The following ERO1B variants were observed in gnomAD, a reference collection of about 807,000 sequenced individuals.
ERO1B encodes the protein ERO1-like protein beta.
Under a neutral mutation model 75.3 loss-of-function variants are expected in ERO1B, and 49 were observed. That is an observed-to-expected ratio of 0.65 (90% CI 0.52 to 0.83). The LOEUF is 0.83. Among genes scored for constraint, ERO1B ranks in the 40% least tolerant of loss-of-function variants. The pLI is 0.00. For synonymous variants in ERO1B, 191 were observed against 192.9 expected (o/e 0.99, Z 0.08); for missense variants, 512 against 560.1 (o/e 0.91, Z 0.87).
At chr1:236,224,982 C>G (rs1244623528) in intron 13 of ERO1B, 88 bp downstream of exon 13, 1 of 1,226,364 alleles carries the variant, frequency 8.2e-7, no homozygotes, top group African/African-American at 1.5e-5. Context: ...AGCTGGAAAA[C>G]TGGGAAAGAA....
chr1:236,273,153 G>T (rs1472999429), intron 1 of ERO1B, among the ~76,000 whole-genome samples: 2 of 152,156 alleles, frequency 1.3e-5, no homozygotes, highest in Non-Finnish European at 2.9e-5. Context: ...TTATGAGAGA[G>T]GAAGGCGGGA....
chr1:236,253,761 G>C (rs988163139), intron 2 of ERO1B, among the ~76,000 whole-genome samples: 4 of 152,148 alleles, frequency 2.6e-5, no homozygotes, highest in African/African-American at 9.7e-5. Context: ...TTATTAATGA[G>C]AATTCTCTCA....
chr1:236,217,373 A>G lies in ERO1B; in HGVS notation c.*1143T>C, dbSNP rs756317128. On this transcript the variant is annotated 3_prime_UTR_variant, in exon 16 of 16. Transcript: ENST00000354619. ...TTAGGACTGTTGGTATGAATCACAG[A>G]AAGTCCTCTGTTGGTATGAATCACA... is the stretch of plus-strand genomic sequence containing the variant. 4.5e-5 allele frequency: 2 copies of G among 44,462 alleles called. No homozygotes were observed. The highest frequency in any genetic ancestry group is 8.4e-5 in the Non-Finnish European group (2 of 23,742). 2.8% of individuals were successfully genotyped at this position (44,462 alleles called of 1,614,324 possible).
intron 2 of ERO1B, among the ~76,000 whole-genome samples, chr1:236,268,696 C>T (rs376136477): frequency 6.6e-5 from 10 of 151,438 alleles, no homozygotes; most frequent in Admixed American, 2.6e-4. Flanking sequence ...ACCATCCTGG[C>T]TAACATGGTG....
At position 236,269,979 on chromosome 1, in the gene ERO1B, C is replaced by G. The variant is rs777757174; in HGVS notation, c.118G>C (p.Asp40His). The G allele has an allele frequency of 1.9e-6, 3 of 1,595,296 alleles. No individual in the cohort carries two copies. Among genetic ancestry groups the G allele is most frequent in the Non-Finnish European group, 1.7e-6 (2 of 1,166,656 alleles). Residue 40 changes from aspartate to histidine, a missense_variant, in exon 2 of 16, where the codon GAT (aspartate) becomes CAT (histidine). By Grantham distance (81) the Asp-to-His change is moderately conservative (BLOSUM62 -1). Transcript: ENST00000354619. ...VVEAQVTGVL[D>H]DCLCDIDSID... Reference sequence around the variant, plus strand: ...CTGTCAATATCACACAAGCAATCATCCAGAACTCCAGTGACCTAGAATTTA... The same window carrying G: ...CTGTCAATATCACACAAGCAATCATGCAGAACTCCAGTGACCTAGAATTTA...
intron 9 of ERO1B, among the ~76,000 whole-genome samples, chr1:236,230,525 T>C (rs1008354985): frequency 3.3e-5 from 5 of 149,734 alleles, no homozygotes; most frequent in South Asian, 2.1e-4. Flanking sequence ...GGCAGGAGAA[T>C]TGCTTGGACC....
intron 9 of ERO1B, among the ~76,000 whole-genome samples, chr1:236,231,803 T>C (rs1664415512): frequency 6.6e-6 from 1 of 152,188 alleles, no homozygotes; most frequent in African/African-American, 2.4e-5. Context: ...ATTCAACATA[T>C]AGTAAGGATC....
chr1:236,219,152 T>C (rs934339636), intron 15 of ERO1B, among the ~76,000 whole-genome samples: 2 of 152,198 alleles, frequency 1.3e-5, no homozygotes, highest in Non-Finnish European at 2.9e-5. Context: ...TCAGGGGTGA[T>C]AGAAGAAAAA....
chr1:236,248,409 A>C (rs2102954149), intron 5 of ERO1B, among the ~76,000 whole-genome samples: 1 of 151,342 alleles, frequency 6.6e-6, no homozygotes, highest in Admixed American at 6.6e-5. Context: ...AGACAATCCT[A>C]AGATTCAACA....
At chr1:236,237,222 C>G (rs923909224) in intron 6 of ERO1B, among the ~76,000 whole-genome samples, 1 of 148,498 alleles carries the variant, frequency 6.7e-6, no homozygotes, top group Non-Finnish European at 1.5e-5. Context: ...CAGGTTCAAG[C>G]GATTCTCCTG....
chr1:236,222,524 T>TAATA (rs2102938247), intron 13 of ERO1B, among the ~76,000 whole-genome samples: 1 of 106,466 alleles, frequency 9.4e-6, no homozygotes, highest in African/African-American at 3.5e-5. Flanking sequence ...GCATATTAAT[T>TAATA]CACTTTCCAC....
At chr1:236,226,075 G>A (rs1295988487) in intron 12 of ERO1B, among the ~76,000 whole-genome samples, 194 bp downstream of exon 12, 2 of 152,188 alleles carry the variant, frequency 1.3e-5, no homozygotes, top group African/African-American at 4.8e-5. Flanking sequence ...TTCTGCAAAA[G>A]AAAGCCTTAT....
At chr1:236,234,903 G>A (rs1358297) in intron 8 of ERO1B, among the ~76,000 whole-genome samples, 48 of 152,198 alleles carry the variant, frequency 3.2e-4, no homozygotes, top group East Asian at 7.7e-4. Flanking sequence ...GAAATATAAC[G>A]CCACACACGA....
intron 2 of ERO1B, among the ~76,000 whole-genome samples, chr1:236,257,457 C>G (rs1044901057): frequency 6.6e-6 from 1 of 150,944 alleles, no homozygotes; most frequent in African/African-American, 2.4e-5. Flanking sequence ...TATCTAGGAG[C>G]CTATGTAGCA....
chr1:236,281,225 C>A (rs569629711), intron 1 of ERO1B, among the ~76,000 whole-genome samples: 2 of 152,310 alleles, frequency 1.3e-5, no homozygotes, highest in South Asian at 2.1e-4. Flanking sequence ...CAATCCCCTG[C>A]GCCTGGCGGG....
intron 6 of ERO1B, among the ~76,000 whole-genome samples, chr1:236,240,520 C>G (rs1664674171): frequency 6.6e-6 from 1 of 152,072 alleles, no homozygotes; most frequent in African/African-American, 2.4e-5. Context: ...GTTTATAAAG[C>G]TCTCAAAAAA....
At chr1:236,256,448 C>T (rs770218151) in intron 2 of ERO1B, among the ~76,000 whole-genome samples, 6 of 151,970 alleles carry the variant, frequency 3.9e-5, no homozygotes, top group African/African-American at 1.2e-4. Context: ...TCTGCCACCA[C>T]GAATGGAAGG....
chr1:236,275,929 T>C (rs538282134), intron 1 of ERO1B, among the ~76,000 whole-genome samples: 15 of 152,346 alleles, frequency 9.8e-5, no homozygotes, highest in African/African-American at 3.4e-4. Context: ...AGAATGTTTC[T>C]CTTTTATATT....
At chr1:236,233,868 CAGG>C (rs1287800231) in intron 8 of ERO1B, among the ~76,000 whole-genome samples, 1 of 152,116 alleles carries the variant, frequency 6.6e-6, no homozygotes, top group Non-Finnish European at 1.5e-5. Flanking sequence ...GTGCTGCTTC[CAGG>C]AGGCCTAGAG....
Sources: allele counts gnomAD v4.1 joint callset (sites outside exome capture counted in the v4.1 genomes callset), GRCh38; gene constraint gnomAD v4.1.1; transcripts MANE v1.5; gene names NCBI Gene and HGNC (gene_info 2026-07-23, HGNC 2026-07-21).